Variants in SLC4A1 observed in about 807,000 individuals in gnomAD.
The protein encoded by SLC4A1 is solute carrier family 4 member 1 (Diego blood group).
In SLC4A1, 29 loss-of-function variants were observed where a neutral mutation model predicts 93.1. The observed-to-expected ratio is 0.31, with a 90% CI of 0.23 to 0.42. The LOEUF is 0.42. Among genes scored for constraint, SLC4A1 ranks in the 20% least tolerant of loss-of-function variants. The pLI, the probability that SLC4A1 is intolerant of heterozygous loss-of-function variation, is 1.00. For missense variants in SLC4A1, 965 were observed against 1,190.1 expected, an observed-to-expected ratio of 0.81 and a Z score of 2.78; for synonymous variants, 469 against 497.2, an observed-to-expected ratio of 0.94 and a Z score of 0.76.
rs28931583 is a variant in SLC4A1, at chr17:44,258,520, G to C, written c.980C>G (p.Pro327Arg). Reference protein sequence around the residue: ...CSLVLPPTDAPSEQALLSLVP... With the variant: ...CSLVLPPTDARSEQALLSLVP... ...CAGACTGAGCAGTGCCTGCTCGGAG[G>C]GGGCATCGGTGGGAGGCAGCACTAG... The change falls in exon 10 of 20, where the codon CCC becomes CGC. Residue 327 changes from proline to arginine, a missense_variant. By Grantham distance (103) the Pro-to-Arg change is moderately radical. This residue lies in a region of SLC4A1 where 770 missense variants were observed against 1,006.6 expected (regional missense o/e 0.76). Coordinates refer to ENST00000262418, the MANE Select transcript of SLC4A1 (RefSeq NM_000342.4). This position sits in a 1 kb window ranked among gnomAD's most constrained non-coding sequence, Gnocchi z 6.1. The C allele has an allele frequency of 1.2e-4, 198 of 1,614,020 alleles. No homozygotes were observed. In the African/African-American group the frequency reaches 2.0e-3, roughly 17 times the overall value.
chr17:44,265,482 G>T lies in SLC4A1; in HGVS notation c.-68-2548C>A, dbSNP rs1158659130. ...CCTCCTGGGTTCACGCCATTCTCCT[G>T]CCTCAGCCTCCCGAGTAGCTGGGAC... On this transcript the variant is annotated intron_variant, in intron 1 of 19. Coordinates refer to ENST00000262418, the MANE Select transcript of SLC4A1 (RefSeq NM_000342.4). Among the ~76,000 whole-genome samples the T allele has an allele frequency of 3.3e-5, 5 of 152,220 alleles. No homozygotes were observed. The East Asian group carries it at 9.7e-4, about 30-fold the overall frequency.
Position 44,258,460 on chromosome 17 carries a change from T to C in SLC4A1, c.1040A>G (p.Tyr347Cys). 6.2e-7 allele frequency: 1 copy of C among 1,613,962 alleles called. No individual in the cohort carries two copies. The highest frequency in any genetic ancestry group is 8.5e-7 in the Non-Finnish European group (1 of 1,179,970). ...GTCTGGCTTGGCAGGGCTGGACTGA[T>C]AGCGCCTTCGAAGTAGCTCCCTCTG... ...PVQRELLRRR[Y>C]QSSPAKPDSS... Residue 347 changes from tyrosine to cysteine, a missense_variant, in exon 10 of 20, where the codon TAT (tyrosine) becomes TGT (cysteine). Physicochemically the swap from Tyr to Cys is radical, Grantham distance 194 (BLOSUM62 -2). Transcript: ENST00000262418. This position sits in a 1 kb window ranked among gnomAD's most constrained non-coding sequence, Gnocchi z 6.1.
chr17:44,262,808 AGAGCCTCCAGGTGGGAGCACTGCT>A lies in SLC4A1; in HGVS notation c.15+20_15+43del. 6.2e-7 allele frequency: 1 copy of A among 1,610,670 alleles called. No individual in the cohort carries two copies. The highest frequency in any genetic ancestry group is 8.5e-7 in the Non-Finnish European group (1 of 1,176,820). Reference sequence around the variant, plus strand: ...GATAGGAGTCTAGGACCAGGTCCCCAGAGCCTCCAGGTGGGAGCACTGCTGATGCCAGGGAACACCCACCTGCAG... The same window carrying A: ...GATAGGAGTCTAGGACCAGGTCCCCAGATGCCAGGGAACACCCACCTGCAG... On this transcript the variant is annotated intron_variant, in intron 2 of 19. Transcript: ENST00000262418.
intron 1 of SLC4A1, among the ~76,000 whole-genome samples, chr17:44,267,018 A>G (rs1268354710): frequency 1.3e-5 from 2 of 152,142 alleles, no homozygotes; most frequent in African/African-American, 4.8e-5. Flanking sequence ...TTCTAAGAGG[A>G]AGAAGAGTAA....
In SLC4A1 at chr17:44,255,294, C is replaced by T; in HGVS notation, c.1803G>A (p.Leu601=). ...FKNSSYFPGK[L]RRVIGDFGVP... ...CCCCGAAGTCCCCGATGACCCGACG[C>T]AGCTGGGGGCAGGTGAAAGGACCAG... Residue 601 remains leucine (L), a splice_region_variant and synonymous_variant, in exon 15 of 20, where the codon CTG becomes CTA. Transcript: ENST00000262418. The T allele has an allele frequency of 6.4e-7, 1 of 1,553,570 alleles. No homozygotes were observed.
At position 44,260,606 on chromosome 17, in the gene SLC4A1, G is replaced by T. The variant is rs759680858; in HGVS notation, c.349+29C>A. The T allele has an allele frequency of 5.0e-6, 8 of 1,614,156 alleles. No individual in the cohort carries two copies. In the South Asian group the frequency reaches 7.7e-5, roughly 16 times the overall value. On this transcript the variant is annotated intron_variant, in intron 5 of 19. Transcript: ENST00000262418. ...CACCCCACAACAATCCTCATCTGCA[G>T]GGGGTCCAGAAGGGCCCAGGAGGCT...
At chr17:44,267,888 C>T (rs919880625) in intron 1 of SLC4A1, among the ~76,000 whole-genome samples, 166 bp downstream of exon 1, 15 of 152,282 alleles carry the variant, frequency 9.9e-5, no homozygotes, top group Admixed American at 9.2e-4. Context: ...TGGGCCTGTT[C>T]CCTTAGGGGC....
intron 17 of SLC4A1, among the ~76,000 whole-genome samples, chr17:44,252,858 G>A (rs1473359332): frequency 6.6e-6 from 1 of 152,180 alleles, no homozygotes; most frequent in Non-Finnish European, 1.5e-5. Context: ...CTTCTGTTGG[G>A]TAAGTCAGAA....
rs763473069 is a variant in SLC4A1, at chr17:44,253,100, G to A, written c.2311+18C>T. The A allele has an allele frequency of 2.2e-5, 35 of 1,607,348 alleles. No individual in the cohort carries two copies. The highest frequency in any genetic ancestry group is 1.7e-4 in the Middle Eastern group (1 of 6,060). ...AGGGGCAGGAGGATGGTGAAGACGCGACCCAGCTTTCACTCACCCACAAGC... is the reference window on the plus strand; with the variant it reads ...AGGGGCAGGAGGATGGTGAAGACGCAACCCAGCTTTCACTCACCCACAAGC... On this transcript the variant is annotated intron_variant, in intron 17 of 19. Coordinates refer to ENST00000262418, the MANE Select transcript of SLC4A1 (RefSeq NM_000342.4).
chr17:44,260,262 A>T, intron 6 of SLC4A1, 142 bp downstream of exon 6: 2 of 1,087,482 alleles, frequency 1.8e-6, no homozygotes, highest in South Asian at 2.9e-5. Flanking sequence ...AAGGTGTCAG[A>T]GATGGGAGCC....
At chr17:44,252,114 G>C (rs921671407) in intron 17 of SLC4A1, among the ~76,000 whole-genome samples, 1 of 143,110 alleles carries the variant, frequency 7.0e-6, no homozygotes, top group Non-Finnish European at 1.5e-5. Flanking sequence ...GGAGTGCAGT[G>C]GTGCAATCTC....
In SLC4A1 at chr17:44,262,884, C is replaced by G; in HGVS notation, c.-18G>C. ...TCCTCCATGGCGTGGTCCTGAGTGT[C>G]CAGTTGTCTACGGTGATCTGAGCCC... is the stretch of plus-strand genomic sequence containing the variant. On this transcript the variant is annotated 5_prime_UTR_variant, in exon 2 of 20. Transcript: ENST00000262418. The G allele has an allele frequency of 6.2e-7, 1 of 1,614,110 alleles. No individual in the cohort carries two copies. Among genetic ancestry groups the G allele is most frequent in the Middle Eastern group, 1.7e-4 (1 of 6,006 alleles).
At position 44,249,105 on chromosome 17, in the gene SLC4A1, G is replaced by A. The variant is rs1475050901; in HGVS notation, c.*1353C>T. On this transcript the variant is annotated 3_prime_UTR_variant, in exon 20 of 20. Transcript: ENST00000262418. ...TCAAACTCCTGACCTCAAATGATCC[G>A]CCCAACTTGGCCTCCCAAAGTGCTG... 5.2e-5 allele frequency: 23 copies of A among 440,346 alleles called. No individual in the cohort carries two copies. The highest frequency in any genetic ancestry group is 2.0e-4 in the Admixed American group (8 of 39,332). 27.3% of individuals were successfully genotyped at this position (440,346 alleles called of 1,614,324 possible).
chr17:44,267,102 A>G (rs1164644793), intron 1 of SLC4A1, among the ~76,000 whole-genome samples: 1 of 152,216 alleles, frequency 6.6e-6, no homozygotes, highest in East Asian at 1.9e-4. Flanking sequence ...CCCAGCAGGT[A>G]GGTATCAGAG....
At chr17:44,252,094 T>C (rs1405314910) in intron 17 of SLC4A1, among the ~76,000 whole-genome samples, 1 of 146,704 alleles carries the variant, frequency 6.8e-6, no homozygotes, top group Non-Finnish European at 1.5e-5. Context: ...CTCACTCTGT[T>C]GCCCAGGCTG....
intron 3 of SLC4A1, 118 bp downstream of exon 3, chr17:44,262,518 A>T (rs2047454735): frequency 1.4e-6 from 1 of 729,968 alleles, no homozygotes; most frequent in Non-Finnish European, 2.4e-6. Flanking sequence ...AATTGAGGGG[A>T]GAACGGCCCG....
At chr17:44,265,303 G>C (rs1348525658) in intron 1 of SLC4A1, among the ~76,000 whole-genome samples, 1 of 152,222 alleles carries the variant, frequency 6.6e-6, no homozygotes, top group Admixed American at 6.5e-5. Flanking sequence ...AGAGCAGGAC[G>C]CGTTTGCAGC....
chr17:44,260,885 C>T lies in SLC4A1; in HGVS notation c.169-70G>A, dbSNP rs1262700511. On this transcript the variant is annotated intron_variant, in intron 4 of 19. Coordinates refer to ENST00000262418, the MANE Select transcript of SLC4A1 (RefSeq NM_000342.4). ...GGCATAGTGGGTGCTCAGCCACTCT[C>T]GAGAGAGGCTTGTGCTTGTGAGGCT... The T allele has an allele frequency of 1.1e-5, 17 of 1,544,898 alleles. No individual in the cohort carries two copies. In the East Asian group the frequency reaches 2.0e-4, roughly 18 times the overall value.
At chr17:44,251,695 G>A (rs2144597672) in intron 17 of SLC4A1, 107 bp from the exon 18 acceptor site, 1 of 776,632 alleles carries the variant, frequency 1.3e-6, no homozygotes, top group East Asian at 2.8e-5. Context: ...ACCATATGGA[G>A]CCATTTCTTT....
Sources: allele counts gnomAD v4.1 joint callset (sites outside exome capture counted in the v4.1 genomes callset), GRCh38; gene constraint gnomAD v4.1.1; regional missense constraint gnomAD v4.1.1; non-coding constraint Gnocchi (gnomAD v3.1); transcripts MANE v1.5; gene names NCBI Gene and HGNC (gene_info 2026-07-23, HGNC 2026-07-21).